The following RARB variants were observed in gnomAD, a reference collection of about 807,000 sequenced individuals.
RARB encodes the protein retinoic acid receptor beta.
In RARB, 17 loss-of-function variants were observed where a neutral mutation model predicts 51.9. The ratio of observed to expected loss-of-function variants is 0.33; its 90% CI spans 0.22 to 0.49. The LOEUF (loss-of-function observed/expected upper bound fraction) is 0.49. Ranked by LOEUF, RARB falls within the 20% of genes least tolerant of loss-of-function variation. The probability of loss-of-function intolerance (pLI) is 0.99; values close to 1 mark genes in which losing one functional copy is unlikely to be tolerated. For synonymous variants in RARB, 215 were observed against 195.4 expected, an observed-to-expected ratio of 1.10 and a Z score of -0.84; for missense variants, 369 against 550.8, an observed-to-expected ratio of 0.67 and a Z score of 3.30.
At chr3:25,085,752 G>C (rs1699093298) in intron 3 of RARB, among the ~76,000 whole-genome samples, 1 of 152,044 alleles carries the variant, frequency 6.6e-6, no homozygotes, top group Non-Finnish European at 1.5e-5. Flanking sequence ...TAATTGCTCA[G>C]ACTTGTGTCA....
At chr3:25,271,406 A>G (rs1304620331) in intron 5 of RARB, among the ~76,000 whole-genome samples, 1 of 152,204 alleles carries the variant, frequency 6.6e-6, no homozygotes, top group Non-Finnish European at 1.5e-5. Flanking sequence ...GGCCTACACA[A>G]GAGTATTTGT....
At chr3:25,256,366 A>G (rs951384111) in intron 5 of RARB, among the ~76,000 whole-genome samples, 1 of 152,104 alleles carries the variant, frequency 6.6e-6, no homozygotes, top group Non-Finnish European at 1.5e-5. Flanking sequence ...TGCTCCCTCA[A>G]TCTAGAAAAT....
intron 4 of RARB, among the ~76,000 whole-genome samples, chr3:25,148,242 C>T (rs1048756561): frequency 7.2e-6 from 1 of 139,214 alleles, no homozygotes; most frequent in Non-Finnish European, 1.6e-5. Flanking sequence ...ATTTTGCTGG[C>T]AGGTCTAAGA....
At chr3:25,255,217 T>C (rs1702832418) in intron 5 of RARB, among the ~76,000 whole-genome samples, 1 of 152,126 alleles carries the variant, frequency 6.6e-6, no homozygotes. Flanking sequence ...TCAACACAAA[T>C]ATGAATTTTT....
At chr3:24,908,688 T>TTTTTTA (rs1553613049) in intron 2 of RARB, among the ~76,000 whole-genome samples, 1 of 131,354 alleles carries the variant, frequency 7.6e-6, no homozygotes, top group Non-Finnish European at 1.6e-5. Context: ...TTTTTTTTTT[T>TTTTTTA]ACTAACCTAC....
intron 3 of RARB, among the ~76,000 whole-genome samples, chr3:25,130,114 A>G (rs1216763031): frequency 6.6e-6 from 1 of 152,066 alleles, no homozygotes; most frequent in Non-Finnish European, 1.5e-5. Flanking sequence ...ACTGTGCCAT[A>G]GGACAAACAG....
At chr3:25,508,568 C>T (rs1697725812) in intron 3 of RARB, among the ~76,000 whole-genome samples, 1 of 152,160 alleles carries the variant, frequency 6.6e-6, no homozygotes, top group Admixed American at 6.5e-5. Flanking sequence ...TGGGAAATTA[C>T]ATAAAAATCA....
chr3:25,501,668 C>T (rs975572547), intron 3 of RARB, among the ~76,000 whole-genome samples: 7 of 152,118 alleles, frequency 4.6e-5, no homozygotes, highest in South Asian at 2.1e-4. Flanking sequence ...TAAGGATCTT[C>T]GCCTGTATCG....
chr3:25,206,052 G>A (rs964585772), intron 5 of RARB, among the ~76,000 whole-genome samples: 3 of 152,154 alleles, frequency 2.0e-5, no homozygotes, highest in Non-Finnish European at 4.4e-5. Context: ...GCTGTATGAC[G>A]TATGTTTTTG....
At chr3:25,234,658 A>G (rs1702262076) in intron 5 of RARB, among the ~76,000 whole-genome samples, 1 of 151,518 alleles carries the variant, frequency 6.6e-6, no homozygotes, top group Non-Finnish European at 1.5e-5. Context: ...TTTTTTTCAT[A>G]GTCTCTCGTC....
At chr3:24,903,318 G>GA (rs1451087661) in intron 2 of RARB, among the ~76,000 whole-genome samples, 1 of 152,014 alleles carries the variant, frequency 6.6e-6, no homozygotes, top group African/African-American at 2.4e-5. Flanking sequence ...TAGAGGAAGG[G>GA]AAACACTAGT....
chr3:24,881,624 G>T (rs948366504), intron 2 of RARB, among the ~76,000 whole-genome samples: 1 of 152,144 alleles, frequency 6.6e-6, no homozygotes, highest in Admixed American at 6.6e-5. Flanking sequence ...AATTATAGTG[G>T]CATTGATCTT....
intron 5 of RARB, among the ~76,000 whole-genome samples, chr3:25,236,778 A>G (rs73149259): frequency 0.012 from 1,822 of 151,996 alleles, 32 homozygotes; most frequent in African/African-American, 0.042. Context: ...ATAGAGTGGA[A>G]TTTCTCCTCA....
chr3:24,999,854 A>G lies in RARB; in HGVS notation c.-379-60271A>G, dbSNP rs536660676. Among the ~76,000 whole-genome samples the G allele has an allele frequency of 2.1e-3, 317 of 152,166 alleles. 1 individual carries two copies. Among genetic ancestry groups the G allele is most frequent in the Non-Finnish European group, 3.3e-3 (227 of 68,002 alleles). On this transcript the variant is annotated intron_variant, in intron 2 of 11. Coordinates refer to the RARB transcript ENST00000383772. Reference sequence around the variant, plus strand: ...GGACGTTTTCTCCATAACTAGCAAAAATGGCCCCAGACAACTCCAGGATTA... The same window carrying G: ...GGACGTTTTCTCCATAACTAGCAAAGATGGCCCCAGACAACTCCAGGATTA...
chr3:24,953,270 C>T (rs745921798), intron 2 of RARB, among the ~76,000 whole-genome samples: 1 of 151,824 alleles, frequency 6.6e-6, no homozygotes, highest in Non-Finnish European at 1.5e-5. Flanking sequence ...TGCCAGCAGG[C>T]ACGGTGGGAG....
chr3:25,075,569 G>T (rs1242807905), intron 3 of RARB, among the ~76,000 whole-genome samples: 1 of 151,912 alleles, frequency 6.6e-6, no homozygotes, highest in Non-Finnish European at 1.5e-5. Context: ...TAGCTAGGGG[G>T]AAATATTTTT....
At chr3:25,321,103 C>G (rs1288910307) in intron 5 of RARB, among the ~76,000 whole-genome samples, 2 of 152,124 alleles carry the variant, frequency 1.3e-5, no homozygotes, top group East Asian at 3.9e-4. Context: ...ACAAGCAGAT[C>G]TTTTTCAGTA....
chr3:25,276,090 A>G (rs555792187), intron 5 of RARB, among the ~76,000 whole-genome samples: 2 of 152,354 alleles, frequency 1.3e-5, no homozygotes, highest in Admixed American at 1.3e-4. Flanking sequence ...TGTGATGTTT[A>G]CATCATGGGG....
At chr3:25,343,506 C>A (rs1705295532) in intron 5 of RARB, among the ~76,000 whole-genome samples, 1 of 150,734 alleles carries the variant, frequency 6.6e-6, no homozygotes, top group African/African-American at 2.4e-5. Context: ...AACATGAAGC[C>A]CTGAGTTAGC....
Sources: allele counts gnomAD v4.1 joint callset (sites outside exome capture counted in the v4.1 genomes callset), GRCh38; gene constraint gnomAD v4.1.1; transcripts MANE v1.5; gene names NCBI Gene and HGNC (gene_info 2026-07-23, HGNC 2026-07-21).